The following PCM1 variants were observed in gnomAD, a reference collection of about 807,000 sequenced individuals.
The protein encoded by PCM1 is pericentriolar material 1 protein.
A neutral mutation model predicts 241.9 loss-of-function variants in PCM1; 157 were observed. The observed-to-expected ratio is 0.65, with a 90% CI of 0.57 to 0.74. PCM1 has a LOEUF of 0.74. PCM1 is among the 30% of genes least tolerant of loss of function. The pLI, the probability that PCM1 is intolerant of heterozygous loss-of-function variation, is 0.00. For synonymous variants in PCM1, 1,085 were observed against 784.9 expected (o/e 1.38, Z -6.39); for missense variants, 3,478 against 2,360.1 (o/e 1.47, Z -9.81).
chr8:17,965,114 A>T (rs550505008), intron 18 of PCM1, among the ~76,000 whole-genome samples: 3 of 152,310 alleles, frequency 2.0e-5, no homozygotes, highest in African/African-American at 7.2e-5. Context: ...CTCATTTCTT[A>T]TAAAGGATTC....
intron 5 of PCM1, 32 bp downstream of exon 5, chr8:17,939,041 T>C (rs762515544): frequency 6.2e-7 from 1 of 1,606,114 alleles, no homozygotes; most frequent in Non-Finnish European, 8.5e-7. Context: ...GCTCATTCTT[T>C]ACACAAACCT....
chr8:18,014,634 G>C lies in PCM1; in HGVS notation c.5635G>C (p.Asp1879His). ...ACCCTGTTACCTCAATATCTTGGAA[G>C]ATGAGCAACCTTTAAATAGTGCTGC... The part of the protein sequence containing the change: ...VKPCYLNILE[D>H]EQPLNSAAHK... Residue 1879 changes from aspartate to histidine, a missense_variant, in exon 36 of 39, where the codon GAT (aspartate) becomes CAT (histidine). Transcript: ENST00000325083. The C allele has an allele frequency of 6.2e-7, 1 of 1,613,126 alleles. No individual in the cohort carries two copies. The highest frequency in any genetic ancestry group is 8.5e-7 in the Non-Finnish European group (1 of 1,179,258).
At chr8:17,931,002 C>T (rs386075) in intron 2 of PCM1, among the ~76,000 whole-genome samples, 15,493 of 152,114 alleles carry the variant, frequency 0.1, 1,062 homozygotes, top group African/African-American at 0.19. Flanking sequence ...CATTAAGTTA[C>T]AAAGTATTCT....
chr8:17,980,617 A>G lies in PCM1; in HGVS notation c.3970A>G (p.Thr1324Ala). Residue 1324 changes from threonine (T) to alanine (A), a missense_variant, in exon 24 of 39, where the codon ACA (threonine) becomes GCA (alanine). By Grantham distance (58) the Thr-to-Ala change is moderately conservative. Transcript: ENST00000325083. ...IRYESASMSSTCEPCKSRNRH... is the reference protein window; with the variant it reads ...IRYESASMSSACEPCKSRNRH... ...GTATGAAAGTGCCAGTATGTCTAGC[A>G]CATGTGAACCTTGCAAAAGTAGGAA... 1 of 1,609,602 alleles carries G rather than the reference A, an allele frequency of 6.2e-7. No individual in the cohort carries two copies.
rs2079244673 is a variant in PCM1, at chr8:17,977,696, G to A, written c.3944-2895G>A. On this transcript the variant is annotated intron_variant, in intron 23 of 38. Transcript: ENST00000325083. ...AAGGTTATTGAGTAAGTAGGTGGCA[G>A]TCTTCCTTAACCCTGTACATGGGAG... 2.6e-5 allele frequency among the ~76,000 whole-genome samples: 4 copies of A among 152,280 alleles called. No homozygotes were observed. The South Asian group carries it at 8.3e-4, about 32-fold the overall frequency.
At chr8:17,941,445 A>C (rs537673825) in intron 6 of PCM1, among the ~76,000 whole-genome samples, 17 of 152,254 alleles carry the variant, frequency 1.1e-4, no homozygotes, top group African/African-American at 4.1e-4. Context: ...TTGCTTAGTT[A>C]CAGTAAGCAA....
Position 17,947,345 on chromosome 8 carries a change from G to C in PCM1, c.943G>C (p.Ala315Pro). Residue 315 changes from alanine (A) to proline (P), a missense_variant, in exon 7 of 39, where the codon GCA becomes CCA. Transcript: ENST00000325083. ...ALQHKAEQAIAVMDDSVVAET... is the reference protein window; with the variant it reads ...ALQHKAEQAIPVMDDSVVAET... Reference sequence around the variant, plus strand: ...GCAACATAAAGCAGAGCAAGCTATTGCAGTGATGGATGATTCTGGTATGTC... The same window carrying C: ...GCAACATAAAGCAGAGCAAGCTATTCCAGTGATGGATGATTCTGGTATGTC... 1 of 1,597,996 alleles carries C rather than the reference G, an allele frequency of 6.3e-7. No homozygotes were observed. The highest frequency in any genetic ancestry group is 1.1e-5 in the South Asian group (1 of 87,590).
Position 17,985,482 on chromosome 8 carries a change from C to T in PCM1, c.4144C>T (p.Arg1382Ter), listed in dbSNP as rs2082291478. The T allele has an allele frequency of 1.3e-6, 2 of 1,563,154 alleles. No individual in the cohort carries two copies. Among genetic ancestry groups the T allele is most frequent in the South Asian group, 1.2e-5 (1 of 85,086 alleles). Reference protein sequence around the residue: ...GSDFSMFEALRDTIYSEVATL... With the variant: ...GSDFSMFEAL ...TGATTTTTCCATGTTTGAAGCTTTG[C>T]GAGATACTATTTATTCTGAAGTAGC... Residue 1382 changes from arginine to a stop codon, truncating the protein, a stop_gained, in exon 25 of 39, where the codon CGA becomes TGA. Transcript: ENST00000325083. LOFTEE classifies it high-confidence loss of function.
At position 18,011,293 on chromosome 8, in the gene PCM1, T is replaced by G. The variant is rs1045019469; in HGVS notation, c.5277T>G (p.Gly1759=). The part of the protein sequence containing the change: ...KQTQTSEVYD[G]PKNVRSDISD... ...CTCAAACATCTGAGGTGTATGATGG[T>G]CCCAAAAATGTAAGATCTGATATTT... Residue 1759 remains glycine (G), a synonymous_variant, in exon 33 of 39, where the codon GGT becomes GGG. Transcript: ENST00000325083. 10 of 1,607,530 alleles carry G rather than the reference T, an allele frequency of 6.2e-6. No individual in the cohort carries two copies. The highest frequency in any genetic ancestry group is 3.3e-4 in the Middle Eastern group (2 of 6,070).
intron 29 of PCM1, among the ~76,000 whole-genome samples, chr8:18,000,011 T>G (rs940238057): frequency 3.3e-5 from 5 of 152,184 alleles, no homozygotes; most frequent in African/African-American, 1.2e-4. Flanking sequence ...TATAAGTAAC[T>G]GTTTATCAGT....
At chr8:17,965,805 G>A (rs1336632514) in intron 18 of PCM1, among the ~76,000 whole-genome samples, 194 bp from the exon 19 acceptor site, 1 of 152,200 alleles carries the variant, frequency 6.6e-6, no homozygotes, top group Non-Finnish European at 1.5e-5. Flanking sequence ...AAAGACTGGA[G>A]ACTAATGAAA....
intron 23 of PCM1, 129 bp from the exon 24 acceptor site, chr8:17,980,462 A>G: frequency 1.6e-6 from 1 of 631,814 alleles, no homozygotes; most frequent in Non-Finnish European, 2.6e-6. Context: ...ACTGTTTTGT[A>G]TTCTATTTAT....
chr8:17,966,578 G>T, intron 20 of PCM1, 105 bp downstream of exon 20: 1 of 921,318 alleles, frequency 1.1e-6, no homozygotes, highest in South Asian at 1.8e-5. Flanking sequence ...TTGCATATTT[G>T]GACATTCTCT....
At chr8:17,939,535 A>G (rs914102367) in intron 5 of PCM1, among the ~76,000 whole-genome samples, 156 bp from the exon 6 acceptor site, 3 of 152,166 alleles carry the variant, frequency 2.0e-5, no homozygotes, top group Non-Finnish European at 2.9e-5. Context: ...AGCTGGATTC[A>G]GATTTTTTGC....
intron 36 of PCM1, among the ~76,000 whole-genome samples, chr8:18,018,751 C>T (rs2093460163): frequency 1.3e-5 from 2 of 149,170 alleles, no homozygotes; most frequent in Admixed American, 1.3e-4. Flanking sequence ...GTGGAGGTTG[C>T]AGTGAGCTGA....
At chr8:17,942,359 C>T (rs1178540915) in intron 6 of PCM1, among the ~76,000 whole-genome samples, 2 of 150,872 alleles carry the variant, frequency 1.3e-5, no homozygotes, top group South Asian at 2.1e-4. Context: ...CCCAGCTACT[C>T]AGGAGGCTGA....
chr8:17,955,443 A>T, intron 9 of PCM1, 27 bp from the exon 10 acceptor site: 1 of 1,519,682 alleles, frequency 6.6e-7, no homozygotes, highest in Non-Finnish European at 8.8e-7. Flanking sequence ...GATTAAAAAA[A>T]ATTTTTTGTT....
rs536372250 is a variant in PCM1 at position 17,943,523 on chromosome 8, C to G, written c.783+3662C>G. On this transcript the variant is annotated intron_variant, in intron 6 of 38. Coordinates refer to ENST00000325083, the MANE Select transcript of PCM1 (RefSeq NM_006197.4). ...ACAGTTAATGCAGTATCTGCCAGTT[C>G]TTTTTTTCTTAAGGCATTACATATA... Among the ~76,000 whole-genome samples, 4 of 152,156 alleles carry G rather than the reference C, an allele frequency of 2.6e-5. No individual in the cohort carries two copies. In the South Asian group the frequency reaches 8.3e-4, roughly 32 times the overall value.
intron 38 of PCM1, among the ~76,000 whole-genome samples, chr8:18,026,688 A>G (rs990712977): frequency 1.3e-5 from 2 of 151,460 alleles, no homozygotes; most frequent in African/African-American, 2.4e-5. Context: ...ATCTAGCCCT[A>G]CCTCTCTCTC....
Sources: gnomAD v4.1 joint callset for allele counts (sites outside exome capture counted in the v4.1 genomes callset) on GRCh38, gnomAD v4.1.1 for gene constraint, MANE v1.5 for transcripts, NCBI Gene and HGNC (gene_info 2026-07-23, HGNC 2026-07-21) for gene names.